The following CASC3 variants were observed in gnomAD, a reference collection of about 807,000 sequenced individuals.
The protein encoded by CASC3 is protein CASC3.
Under a neutral mutation model 80.5 loss-of-function variants are expected in CASC3, and 30 were observed. That is an observed-to-expected ratio of 0.37 (90% CI 0.28 to 0.51). The LOEUF is 0.51. CASC3 is among the 20% of genes least tolerant of loss of function. CASC3 has a pLI of 0.94. For missense variants in CASC3, 824 were observed against 922.2 expected (o/e 0.89, Z 1.38); for synonymous variants, 312 against 333.6 (o/e 0.94, Z 0.70).
chr17:40,164,057 G>A lies in CASC3; in HGVS notation c.1362G>A (p.Pro454=), dbSNP rs185162031. The A allele has an allele frequency of 6.8e-5, 110 of 1,613,874 alleles. No individual in the cohort carries two copies. In the Admixed American group the frequency reaches 1.1e-3, roughly 17 times the overall value. The change falls in exon 7 of 14, where the codon CCG becomes CCA. Residue 454 remains proline, a synonymous_variant. Coordinates refer to ENST00000264645, the MANE Select transcript of CASC3 (RefSeq NM_007359.5). ...CTAAGACTGGGACCTGGGAAGCTCCGGTGGATTCTAGTACAAGTGGACTTG... is the reference window on the plus strand; with the variant it reads ...CTAAGACTGGGACCTGGGAAGCTCCAGTGGATTCTAGTACAAGTGGACTTG... ...PPTKTGTWEA[P]VDSSTSGLEQ... is the part of the protein sequence containing the mutation.
In CASC3 at chr17:40,171,724, G is replaced by T. The variant is rs946000922; in HGVS notation, c.*1319G>T. On this transcript the variant is annotated 3_prime_UTR_variant, in exon 14 of 14. Transcript: ENST00000264645. The stretch of plus-strand genomic sequence containing the variant: ...ACATACGTCTGCCAGGGGTAACCTG[G>T]CCACTGTCCCTGTCCTTCTACAGAA... 11 of 1,119,334 alleles carry T rather than the reference G, an allele frequency of 9.8e-6. No homozygotes were observed. In the Admixed American group the frequency reaches 4.3e-4, roughly 44 times the overall value. The allele number at this position is 1,119,334 out of a possible 1,614,324, so 69.3% of individuals were successfully genotyped here. A position where few individuals can be genotyped will look rare whatever the true frequency, so the allele number is the denominator to read the frequency against.
intron 7 of CASC3, among the ~76,000 whole-genome samples, chr17:40,166,336 C>T (rs1307302414): frequency 6.6e-6 from 1 of 152,094 alleles, no homozygotes; most frequent in Non-Finnish European, 1.5e-5. Context: ...TCATTTTAGC[C>T]AGAGGAGAAT....
At chr17:40,170,385 G>A (rs1310151102) in intron 13 of CASC3, 62 bp from the exon 14 acceptor site, 3 of 977,436 alleles carry the variant, frequency 3.1e-6, no homozygotes, top group Non-Finnish European at 3.6e-6. Context: ...AAAACAGCTT[G>A]TGAATGCCCA....
intron 6 of CASC3, 59 bp from the exon 7 acceptor site, chr17:40,163,422 A>G: frequency 4.1e-6 from 6 of 1,449,604 alleles, no homozygotes; most frequent in Non-Finnish European, 5.6e-6. Flanking sequence ...GGCCTGAGCC[A>G]CCGCGCGTAG....
chr17:40,153,890 A>G (rs1989076123), intron 3 of CASC3, among the ~76,000 whole-genome samples: 1 of 152,044 alleles, frequency 6.6e-6, no homozygotes, highest in South Asian at 2.1e-4. Context: ...CCTTGCTAAC[A>G]TGGCGAAACC....
chr17:40,156,319 A>G (rs1038627275), intron 3 of CASC3, among the ~76,000 whole-genome samples: 35 of 152,202 alleles, frequency 2.3e-4, no homozygotes, highest in African/African-American at 8.4e-4. Flanking sequence ...TAGTGTGGGT[A>G]TAGTCAAACA....
At chr17:40,151,988 C>A (rs778435491) in intron 3 of CASC3, among the ~76,000 whole-genome samples, 20 of 152,148 alleles carry the variant, frequency 1.3e-4, no homozygotes, top group Non-Finnish European at 2.4e-4. Flanking sequence ...TACAGTGTGG[C>A]ATCTTGATAT....
intron 8 of CASC3, 167 bp downstream of exon 8, chr17:40,167,028 G>A (rs908906872): frequency 7.2e-6 from 4 of 554,060 alleles, no homozygotes; most frequent in Non-Finnish European, 1.2e-5. Flanking sequence ...ACGGGATCAC[G>A]GCTCACTGCA....
Position 40,172,068 on chromosome 17 carries a change from G to A in CASC3, c.*1663G>A. On this transcript the variant is annotated 3_prime_UTR_variant, in exon 14 of 14. Transcript: ENST00000264645. ...GTTGGTCCACTGTGTTTAGTTGCAAGGATTTTTCCATGTGTGGTGGTGTTT... is the reference window on the plus strand; with the variant it reads ...GTTGGTCCACTGTGTTTAGTTGCAAAGATTTTTCCATGTGTGGTGGTGTTT... 3.1e-6 allele frequency: 4 copies of A among 1,289,952 alleles called. No homozygotes were observed. Among genetic ancestry groups the A allele is most frequent in the Non-Finnish European group, 4.0e-6 (4 of 988,878 alleles). 79.9% of individuals were successfully genotyped at this position (1,289,952 alleles called of 1,614,324 possible).
intron 3 of CASC3, among the ~76,000 whole-genome samples, chr17:40,152,380 G>A (rs1989032932): frequency 6.6e-6 from 1 of 151,092 alleles, no homozygotes; most frequent in Admixed American, 6.6e-5. Flanking sequence ...GGAGTGCAGT[G>A]GCATGATCTC....
At chr17:40,159,711 ATTTTTT>A (rs71152647) in intron 3 of CASC3, among the ~76,000 whole-genome samples, 6 of 93,164 alleles carry the variant, frequency 6.4e-5, no homozygotes, top group Admixed American at 1.2e-4. Flanking sequence ...TTCCTGGCGA[ATTTTTT>A]TTTTTTTTTT....
chr17:40,148,244 C>T (rs1988908009), intron 3 of CASC3, among the ~76,000 whole-genome samples: 1 of 152,068 alleles, frequency 6.6e-6, no homozygotes, highest in Admixed American at 6.6e-5. Context: ...CTGGACCATC[C>T]CTGTCCTACT....
rs1307180587 is a variant in CASC3 at position 40,167,545 on chromosome 17, A to T, written c.1584A>T (p.Arg528Ser). 6.2e-7 allele frequency: 1 copy of T among 1,613,842 alleles called. No individual in the cohort carries two copies. The highest frequency in any genetic ancestry group is 8.5e-7 in the Non-Finnish European group (1 of 1,179,988). Residue 528 changes from arginine to serine, a missense_variant, in exon 9 of 14, where the codon AGA (arginine) becomes AGT (serine). Arg to Ser is a moderately radical substitution (Grantham distance 110). This residue lies in a region of CASC3 where 464 missense variants were observed against 506.0 expected (regional missense o/e 0.92). Transcript: ENST00000264645. ...AACGCTATTCATCCCAGCGGCAAAG[A>T]CCTGTGCCAGAGCCCCCCGCCCCTC... ...RAKRYSSQRQ[R>S]PVPEPPAPPV...
chr17:40,162,821 G>T lies in CASC3; in HGVS notation c.705G>T (p.Glu235Asp). 1 of 1,614,158 alleles carries T rather than the reference G, an allele frequency of 6.2e-7. No homozygotes were observed. The highest frequency in any genetic ancestry group is 8.5e-7 in the Non-Finnish European group (1 of 1,180,010). The change falls in exon 6 of 14, where the codon GAG (glutamate) becomes GAT (aspartate). Residue 235 changes from glutamate (E) to aspartate (D), a missense_variant. Glu to Asp is a conservative substitution (Grantham distance 45). This residue lies in a region of CASC3 where 201 missense variants were observed against 294.1 expected (regional missense o/e 0.68). Coordinates refer to ENST00000264645, the MANE Select transcript of CASC3 (RefSeq NM_007359.5). ...EDEQAPKSRQELIALYGYDIR... is the reference protein window; with the variant it reads ...EDEQAPKSRQDLIALYGYDIR... ...AGCAGGCCCCAAAGTCCCGACAGGA[G>T]CTCATTGCTCTTTATGGTTATGACA...
intron 7 of CASC3, among the ~76,000 whole-genome samples, chr17:40,165,751 G>GTT (rs981837728): frequency 1.5e-5 from 2 of 136,748 alleles, no homozygotes; most frequent in African/African-American, 2.7e-5. Flanking sequence ...CATAGATATA[G>GTT]TTTTTTTTTT....
chr17:40,167,251 GC>G (rs35090339), intron 8 of CASC3: 129,086 of 550,256 alleles, frequency 0.23, 15,986 homozygotes, highest in East Asian at 0.33. Flanking sequence ...GAGCCACCAC[GC>G]CCGGCCAAGA....
intron 6 of CASC3, among the ~76,000 whole-genome samples, 185 bp from the exon 7 acceptor site, chr17:40,163,296 G>A (rs974861043): frequency 6.6e-6 from 1 of 151,906 alleles, no homozygotes; most frequent in East Asian, 1.9e-4. Flanking sequence ...TATCGCGATC[G>A]GCTAATTTTT....
chr17:40,161,638 C>G, intron 3 of CASC3, 115 bp from the exon 4 acceptor site: 2 of 851,640 alleles, frequency 2.3e-6, no homozygotes, highest in South Asian at 3.2e-5. Context: ...GAGATTGTGC[C>G]ACTGTATTCC....
At chr17:40,145,933 ATTTAAAT>A (rs2145154323) in intron 3 of CASC3, among the ~76,000 whole-genome samples, 1 of 151,984 alleles carries the variant, frequency 6.6e-6, no homozygotes, top group African/African-American at 2.4e-5. Context: ...GCTTTGTCTG[ATTTAAAT>A]TTTAAAGATG....
Sources: allele counts gnomAD v4.1 joint callset (sites outside exome capture counted in the v4.1 genomes callset), GRCh38; gene constraint gnomAD v4.1.1; regional missense constraint gnomAD v4.1.1; transcripts MANE v1.5; gene names NCBI Gene and HGNC (gene_info 2026-07-23, HGNC 2026-07-21).